The following MYOCD variants were observed in gnomAD, a reference collection of about 807,000 sequenced individuals.
MYOCD encodes myocardin.
In MYOCD, 32 loss-of-function variants were observed where a neutral mutation model predicts 96.1. The observed-to-expected ratio is 0.33, with a 90% CI of 0.25 to 0.45. MYOCD has a LOEUF of 0.45. Among genes scored for constraint, MYOCD ranks in the 20% least tolerant of loss-of-function variants. The pLI, the probability that MYOCD is intolerant of heterozygous loss-of-function variation, is 1.00. For synonymous variants in MYOCD, 469 were observed against 469.0 expected, an observed-to-expected ratio of 1.00 and a Z score of 0.00; for missense variants, 1,133 against 1,200.6, an observed-to-expected ratio of 0.94 and a Z score of 0.83.
At chr17:12,673,018 T>C (rs374778857) in intron 1 of MYOCD, among the ~76,000 whole-genome samples, 96 of 152,322 alleles carry the variant, frequency 6.3e-4, no homozygotes, top group African/African-American at 2.2e-3. Flanking sequence ...TCATAAAATA[T>C]GGTCAAATAA....
chr17:12,721,101 T>G (rs1042236844), intron 4 of MYOCD, among the ~76,000 whole-genome samples: 1 of 152,066 alleles, frequency 6.6e-6, no homozygotes, highest in African/African-American at 2.4e-5. Flanking sequence ...CACACTTTTT[T>G]TTTTTAGCAT....
At chr17:12,667,632 T>A (rs976484389) in intron 1 of MYOCD, among the ~76,000 whole-genome samples, 1 of 152,214 alleles carries the variant, frequency 6.6e-6, no homozygotes, top group Non-Finnish European at 1.5e-5. Context: ...CCAGTTTAAA[T>A]GTGGAGGGTC....
In MYOCD at chr17:12,752,574, C is replaced by T. The variant is rs1481102952; in HGVS notation, c.1286C>T (p.Thr429Met). The change falls in exon 10 of 14, where the codon ACG (threonine) becomes ATG (methionine). Residue 429 changes from threonine (T) to methionine (M), a missense_variant. Transcript: ENST00000425538. The stretch of plus-strand genomic sequence containing the variant: ...GTCACTTTTCCTGTCACACCCAACA[C>T]GCTGCCCAATTACCAGTCTTCCTCT... ...TTVTFPVTPN[T>M]LPNYQSSSST... 6 of 1,614,030 alleles carry T rather than the reference C, an allele frequency of 3.7e-6. No homozygotes were observed. The highest frequency in any genetic ancestry group is 2.7e-5 in the African/African-American group (2 of 74,928).
intron 12 of MYOCD, 62 bp downstream of exon 12, chr17:12,758,275 A>G: frequency 6.2e-7 from 1 of 1,608,468 alleles, no homozygotes; most frequent in South Asian, 1.1e-5. Context: ...ACATTGTTTG[A>G]TATGATTAAA....
chr17:12,697,570 G>A (rs992386062), intron 1 of MYOCD, among the ~76,000 whole-genome samples: 4 of 151,232 alleles, frequency 2.6e-5, no homozygotes, highest in African/African-American at 9.7e-5. Flanking sequence ...CTTCACGTTA[G>A]CCAGGATGAT....
intron 3 of MYOCD, among the ~76,000 whole-genome samples, chr17:12,716,559 T>C (rs2031646431): frequency 6.6e-6 from 1 of 152,206 alleles, no homozygotes; most frequent in Non-Finnish European, 1.5e-5. Context: ...CTGTAGGCTT[T>C]ACATTTTCAC....
intron 2 of MYOCD, among the ~76,000 whole-genome samples, chr17:12,709,768 T>C (rs1475372898): frequency 6.6e-6 from 1 of 152,190 alleles, no homozygotes; most frequent in Non-Finnish European, 1.5e-5. Context: ...CTCTACATTC[T>C]CGTGGCATTA....
Position 12,689,359 on chromosome 17 carries a change from A to G in MYOCD, c.56-15769A>G, listed in dbSNP as rs190529952. On this transcript the variant is annotated intron_variant, in intron 1 of 13. Coordinates refer to ENST00000425538, the MANE Select transcript of MYOCD (RefSeq NM_001146312.3). ...TTGGGGACTTAGACTCCCACACCCT[A>G]TAAAGTATATATTTTGTCAGATATA... Among the ~76,000 whole-genome samples, 5 of 152,334 alleles carry G rather than the reference A, an allele frequency of 3.3e-5. No homozygotes were observed. In the South Asian group the frequency reaches 6.2e-4, roughly 19 times the overall value.
At chr17:12,715,715 C>T in intron 3 of MYOCD, 141 bp downstream of exon 3, 1 of 564,696 alleles carries the variant, frequency 1.8e-6, no homozygotes, top group South Asian at 2.6e-5. Flanking sequence ...CATGTGGAAT[C>T]TTACTCCTAT....
intron 1 of MYOCD, among the ~76,000 whole-genome samples, chr17:12,676,944 G>A (rs568697312): frequency 3.9e-5 from 6 of 152,258 alleles, no homozygotes; most frequent in African/African-American, 1.4e-4. Flanking sequence ...AAATTTTTGA[G>A]GTTTTAGTGG....
chr17:12,669,728 C>T (rs1389184511), intron 1 of MYOCD, among the ~76,000 whole-genome samples: 2 of 152,084 alleles, frequency 1.3e-5, no homozygotes, highest in African/African-American at 4.8e-5. Flanking sequence ...ACGCCATTCT[C>T]CTGCCTCAGC....
chr17:12,689,746 G>C lies in MYOCD; in HGVS notation c.56-15382G>C, dbSNP rs1211214953. 4.6e-5 allele frequency among the ~76,000 whole-genome samples: 7 copies of C among 152,048 alleles called. No individual in the cohort carries two copies. In the South Asian group the frequency reaches 8.3e-4, roughly 18 times the overall value. ...CTCAGGAGGCTGAGGCAGGAGAATC[G>C]CTTGAACCTGGGAGGCAAAGGTTGC... is the stretch of plus-strand genomic sequence containing the variant. On this transcript the variant is annotated intron_variant, in intron 1 of 13. Transcript: ENST00000425538.
Position 12,767,139 on chromosome 17 carries a change from A to G in MYOCD, c.*3495A>G, listed in dbSNP as rs1245779929. 1 of 152,172 alleles carries G rather than the reference A, an allele frequency of 6.6e-6. No homozygotes were observed. The highest frequency in any genetic ancestry group is 1.5e-5 in the Non-Finnish European group (1 of 68,026). The allele number at this position is 152,172 out of a possible 1,614,324, so 9.4% of individuals were successfully genotyped here. A position where few individuals can be genotyped will look rare whatever the true frequency, so the allele number is the denominator to read the frequency against. On this transcript the variant is annotated 3_prime_UTR_variant, in exon 14 of 14. Coordinates refer to ENST00000425538, the MANE Select transcript of MYOCD (RefSeq NM_001146312.3). ...ATGAACTTCTCAGTTCAGCTGTCAC[A>G]TTATGAGAAGTAAATCAGAATTTTT... is the stretch of plus-strand genomic sequence containing the variant.
intron 10 of MYOCD, among the ~76,000 whole-genome samples, chr17:12,753,672 A>G (rs978742062): frequency 2.0e-5 from 3 of 152,206 alleles, no homozygotes; most frequent in African/African-American, 7.2e-5. Context: ...GCAAATGCAC[A>G]TGGCTCTGTC....
At chr17:12,738,458 C>T (rs2032407511) in intron 6 of MYOCD, among the ~76,000 whole-genome samples, 1 of 152,138 alleles carries the variant, frequency 6.6e-6, no homozygotes, top group Non-Finnish European at 1.5e-5. Flanking sequence ...CACGCACACA[C>T]AAACACACAC....
intron 6 of MYOCD, among the ~76,000 whole-genome samples, chr17:12,737,345 G>T (rs1946448473): frequency 6.6e-6 from 1 of 152,206 alleles, no homozygotes; most frequent in African/African-American, 2.4e-5. Flanking sequence ...GCAGTGCCAA[G>T]TGCATCACAA....
At chr17:12,711,124 C>G (rs2031469473) in intron 2 of MYOCD, among the ~76,000 whole-genome samples, 4 of 152,128 alleles carry the variant, frequency 2.6e-5, no homozygotes, top group African/African-American at 9.7e-5. Flanking sequence ...CATTGGAGTA[C>G]TGAACTAGCA....
At chr17:12,684,254 C>T (rs961461114) in intron 1 of MYOCD, among the ~76,000 whole-genome samples, 1 of 152,178 alleles carries the variant, frequency 6.6e-6, no homozygotes, top group Non-Finnish European at 1.5e-5. Flanking sequence ...TCCAAACCAA[C>T]CCTGTCTCTT....
At chr17:12,728,120 G>A (rs2032055540) in intron 5 of MYOCD, among the ~76,000 whole-genome samples, 1 of 152,180 alleles carries the variant, frequency 6.6e-6, no homozygotes, top group Admixed American at 6.5e-5. Flanking sequence ...TGATTCATGA[G>A]AACAGAAATG....
Sources: allele counts gnomAD v4.1 joint callset (sites outside exome capture counted in the v4.1 genomes callset), GRCh38; gene constraint gnomAD v4.1.1; transcripts MANE v1.5; gene names NCBI Gene and HGNC (gene_info 2026-07-23, HGNC 2026-07-21).